Variants in GRIK4 observed in about 807,000 individuals in gnomAD.
The protein encoded by GRIK4 is glutamate receptor ionotropic, kainate 4.
A neutral mutation model predicts 104.9 loss-of-function variants in GRIK4; 40 were observed. That is an observed-to-expected ratio of 0.38 (90% CI 0.30 to 0.50). The LOEUF (loss-of-function observed/expected upper bound fraction) is 0.50. Among genes scored for constraint, GRIK4 ranks in the 20% least tolerant of loss-of-function variants. The pLI is 0.93. For synonymous variants in GRIK4, 485 were observed against 524.9 expected, an observed-to-expected ratio of 0.92 and a Z score of 1.04; for missense variants, 1,047 against 1,308.1, an observed-to-expected ratio of 0.80 and a Z score of 3.08.
chr11:120,843,154 T>C (rs749285246), intron 8 of GRIK4, among the ~76,000 whole-genome samples: 63 of 152,260 alleles, frequency 4.1e-4, no homozygotes, highest in Non-Finnish European at 6.5e-4. Context: ...GGAGGCTGTG[T>C]GGTCTGCTGA....
intron 3 of GRIK4, among the ~76,000 whole-genome samples, chr11:120,715,265 C>T (rs1043437110): frequency 1.1e-4 from 16 of 152,168 alleles, no homozygotes; most frequent in South Asian, 4.1e-4. Flanking sequence ...GGCACAGTCC[C>T]GAGGAGCCCC....
chr11:120,796,732 G>A (rs1952525661), intron 3 of GRIK4, among the ~76,000 whole-genome samples: 1 of 152,134 alleles, frequency 6.6e-6, no homozygotes, highest in Non-Finnish European at 1.5e-5. Context: ...GTGGAAGCCA[G>A]ACAGGACAGA....
intron 3 of GRIK4, among the ~76,000 whole-genome samples, chr11:120,711,685 G>T (rs1215461095): frequency 6.6e-6 from 1 of 152,190 alleles, no homozygotes; most frequent in Non-Finnish European, 1.5e-5. Context: ...TTCCAGAAAA[G>T]AACTTCCCAA....
intron 13 of GRIK4, among the ~76,000 whole-genome samples, chr11:120,919,586 G>A (rs945180415): frequency 6.6e-6 from 1 of 152,164 alleles, no homozygotes; most frequent in African/African-American, 2.4e-5. Context: ...GTGCTGATTC[G>A]AGCTTAGGTT....
At chr11:120,867,206 A>T (rs1954444905) in intron 9 of GRIK4, among the ~76,000 whole-genome samples, 1 of 152,104 alleles carries the variant, frequency 6.6e-6, no homozygotes, top group Non-Finnish European at 1.5e-5. Context: ...CAATAGCAAC[A>T]CACCTCTCTC....
At chr11:120,795,404 C>G (rs1045731489) in intron 3 of GRIK4, among the ~76,000 whole-genome samples, 3 of 152,192 alleles carry the variant, frequency 2.0e-5, no homozygotes. Context: ...CCCTGCGGAT[C>G]CCTGTGTCGT....
Position 120,746,170 on chromosome 11 carries a change from T to C in GRIK4, c.83-56523T>C, listed in dbSNP as rs116861099. ...TTATTAATCATGTATTTGAGGTTGA[T>C]TTAAAGCTGACCAAAGTATTCCTTC... On this transcript the variant is annotated intron_variant, in intron 3 of 20. Transcript: ENST00000527524. Among the ~76,000 whole-genome samples, 35 of 152,332 alleles carry C rather than the reference T, an allele frequency of 2.3e-4. No homozygotes were observed. The East Asian group carries it at 3.3e-3, about 14-fold the overall frequency.
At chr11:120,666,459 A>C (rs1949916206) in intron 3 of GRIK4, among the ~76,000 whole-genome samples, 1 of 152,212 alleles carries the variant, frequency 6.6e-6, no homozygotes, top group Admixed American at 6.5e-5. Flanking sequence ...TCACAAAACG[A>C]GGCAGAGCTA....
Position 120,549,862 on chromosome 11 carries a change from C to T in GRIK4, c.-159+37975C>T, listed in dbSNP as rs1591687908. Among the ~76,000 whole-genome samples the T allele has an allele frequency of 1.3e-5, 2 of 152,190 alleles. No homozygotes were observed. The highest frequency in any genetic ancestry group is 3.9e-4 in the East Asian group (2 of 5,192). The stretch of plus-strand genomic sequence containing the variant: ...CCCCTTTGTGGCCCTTAGAAAAAGG[C>T]TATGCTGGATGTTGAGATGTGAACC... On this transcript the variant is annotated intron_variant, in intron 1 of 20. Transcript: ENST00000527524. This position sits in a 1 kb window ranked among gnomAD's most constrained non-coding sequence, Gnocchi z 4.7.
At chr11:120,581,177 T>G (rs1475017036) in intron 1 of GRIK4, among the ~76,000 whole-genome samples, 1 of 152,206 alleles carries the variant, frequency 6.6e-6, no homozygotes, top group Non-Finnish European at 1.5e-5. Context: ...AGATGTGAGA[T>G]TTGCAAATAA....
At chr11:120,730,197 A>G (rs1951103994) in intron 3 of GRIK4, among the ~76,000 whole-genome samples, 1 of 152,068 alleles carries the variant, frequency 6.6e-6, no homozygotes, top group East Asian at 1.9e-4. Flanking sequence ...TCTATGAAAT[A>G]TTATACAAAA....
At chr11:120,742,237 T>C (rs960327193) in intron 3 of GRIK4, among the ~76,000 whole-genome samples, 2 of 151,772 alleles carry the variant, frequency 1.3e-5, no homozygotes, top group Admixed American at 1.3e-4. Context: ...TCCCAGTCAC[T>C]TGGGAGGCTG....
chr11:120,794,083 G>T (rs1252201398), intron 3 of GRIK4, among the ~76,000 whole-genome samples: 2 of 147,802 alleles, frequency 1.4e-5, no homozygotes, highest in Non-Finnish European at 3.0e-5. Context: ...AGTGGTTAGA[G>T]GTGAGGGGCG....
intron 1 of GRIK4, among the ~76,000 whole-genome samples, chr11:120,635,862 A>C (rs1949390691): frequency 6.6e-6 from 1 of 152,244 alleles, no homozygotes; most frequent in African/African-American, 2.4e-5. Context: ...ATTTTTAGGA[A>C]GTGTACACAC....
intron 1 of GRIK4, among the ~76,000 whole-genome samples, chr11:120,573,100 C>T (rs1215604480): frequency 1.3e-5 from 2 of 152,216 alleles, no homozygotes; most frequent in South Asian, 4.2e-4. Context: ...ATTGTAGTTA[C>T]CTCGAGGCCA....
intron 1 of GRIK4, among the ~76,000 whole-genome samples, chr11:120,596,909 G>T (rs921091597): frequency 2.0e-5 from 3 of 152,094 alleles, no homozygotes; most frequent in Admixed American, 1.3e-4. Flanking sequence ...ATTTTTAGTA[G>T]AGACAGGGTT....
At chr11:120,840,508 A>C (rs948622098) in intron 8 of GRIK4, among the ~76,000 whole-genome samples, 6 of 152,232 alleles carry the variant, frequency 3.9e-5, no homozygotes, top group Middle Eastern at 3.4e-3. Context: ...GGGTCAGCTT[A>C]TGAGGTCCAA....
intron 1 of GRIK4, among the ~76,000 whole-genome samples, chr11:120,631,619 G>A (rs533501477): frequency 1.1e-4 from 17 of 152,156 alleles, no homozygotes; most frequent in Non-Finnish European, 2.4e-4. Context: ...GAGGCCTTTG[G>A]GGGCAATGAG....
intron 13 of GRIK4, among the ~76,000 whole-genome samples, chr11:120,911,912 G>C (rs1349051175): frequency 6.6e-6 from 1 of 150,990 alleles, no homozygotes; most frequent in African/African-American, 2.4e-5. Flanking sequence ...TTGAAAAATA[G>C]ATAAGGTTTT....
Sources: allele counts gnomAD v4.1 joint callset (sites outside exome capture counted in the v4.1 genomes callset), GRCh38; gene constraint gnomAD v4.1.1; non-coding constraint Gnocchi (gnomAD v3.1); transcripts MANE v1.5; gene names NCBI Gene and HGNC (gene_info 2026-07-23, HGNC 2026-07-21).